The following SDK2 variants were observed in gnomAD, a reference collection of about 807,000 sequenced individuals.
SDK2 encodes protein sidekick-2.
A neutral mutation model predicts 253.9 loss-of-function variants in SDK2; 105 were observed. The ratio of observed to expected loss-of-function variants is 0.41; its 90% confidence interval spans 0.35 to 0.49. The LOEUF is 0.49. Among genes scored for constraint, SDK2 ranks in the 20% least tolerant of loss-of-function variants. The pLI is 0.06. For missense variants in SDK2, 2,608 were observed against 3,003.0 expected (o/e 0.87, Z 3.07); for synonymous variants, 1,249 against 1,234.9 (o/e 1.01, Z -0.24).
rs1250599012 is a variant in SDK2 at position 73,541,601 on chromosome 17, G to A, written c.65-34004C>T. On this transcript the variant is annotated intron_variant, in intron 1 of 44. Transcript: ENST00000392650. This position sits in a 1 kb window ranked among gnomAD's most constrained non-coding sequence, Gnocchi z 4.3. Reference sequence around the variant, plus strand: ...CCAGAGCTCGCCCCACCCTCCCTCCGTCTCTCCCTGCTGGCTCTTCATTTC... The same window carrying A: ...CCAGAGCTCGCCCCACCCTCCCTCCATCTCTCCCTGCTGGCTCTTCATTTC... Among the ~76,000 whole-genome samples the A allele has an allele frequency of 2.0e-5, 3 of 151,728 alleles. No individual in the cohort carries two copies. The highest frequency in any genetic ancestry group is 4.8e-5 in the African/African-American group (2 of 41,256).
intron 1 of SDK2, among the ~76,000 whole-genome samples, chr17:73,594,670 T>C (rs899862890): frequency 7.2e-5 from 11 of 151,888 alleles, no homozygotes; most frequent in African/African-American, 2.7e-4. Flanking sequence ...TATGCACACA[T>C]ACATGTAATA....
intron 1 of SDK2, among the ~76,000 whole-genome samples, chr17:73,529,673 T>A (rs955482386): frequency 6.6e-6 from 1 of 151,326 alleles, no homozygotes; most frequent in Non-Finnish European, 1.5e-5. Flanking sequence ...ACGGGGAAGA[T>A]GACCATGGGA....
intron 1 of SDK2, among the ~76,000 whole-genome samples, chr17:73,620,016 T>C (rs568638059): frequency 8.5e-4 from 129 of 152,172 alleles, no homozygotes; most frequent in African/African-American, 2.4e-3. Flanking sequence ...CTGGGCAACA[T>C]GGTGAAACCC....
At chr17:73,397,267 C>T (rs760455108) in intron 24 of SDK2, among the ~76,000 whole-genome samples, 1 of 152,248 alleles carries the variant, frequency 6.6e-6, no homozygotes, top group East Asian at 1.9e-4. Flanking sequence ...CTGTGGGACA[C>T]GTGCTGGGAA....
intron 8 of SDK2, among the ~76,000 whole-genome samples, chr17:73,436,591 A>AT (rs2063371403): frequency 6.6e-6 from 1 of 150,484 alleles, no homozygotes; most frequent in African/African-American, 2.4e-5. Context: ...AAAAAAAAAA[A>AT]AAAAAAAAAA....
rs981511849 is a variant in SDK2, at chr17:73,374,210, T to C, written c.4980+4967A>G. On this transcript the variant is annotated intron_variant, in intron 36 of 44. Coordinates refer to ENST00000392650, the MANE Select transcript of SDK2 (RefSeq NM_001144952.2). The stretch of plus-strand genomic sequence containing the variant: ...GTCTAATCTCTAGCTTTCAGTACCA[T>C]CTATATGCCGAGGACTCTATAATTC... Among the ~76,000 whole-genome samples the C allele has an allele frequency of 1.4e-5, 2 of 144,660 alleles. 1 individual carries two copies. The highest frequency in any genetic ancestry group is 5.5e-5 in the African/African-American group (2 of 36,324). 94.9% of individuals were successfully genotyped at this position (144,660 alleles called of 152,430 possible).
At chr17:73,457,092 A>T (rs2063530873) in intron 3 of SDK2, among the ~76,000 whole-genome samples, 1 of 152,146 alleles carries the variant, frequency 6.6e-6, no homozygotes, top group African/African-American at 2.4e-5. Flanking sequence ...TTTGTCCCAA[A>T]CTTGACTGTG....
intron 2 of SDK2, among the ~76,000 whole-genome samples, chr17:73,483,603 GTGTATATATA>G (rs1259596810): frequency 9.6e-5 from 13 of 135,536 alleles, no homozygotes; most frequent in South Asian, 4.6e-4. Context: ...ATATATGTAT[GTGTATATATA>G]TGTATATATA....
intron 2 of SDK2, among the ~76,000 whole-genome samples, chr17:73,478,275 C>T (rs1481842888): frequency 2.6e-5 from 4 of 152,142 alleles, no homozygotes; most frequent in South Asian, 4.1e-4. Flanking sequence ...AAAATCTTTC[C>T]GTAGCTGTGC....
rs747644131 is a variant in SDK2 at position 73,348,568 on chromosome 17, C to G, written c.6165+31G>C. 3.1e-6 allele frequency: 5 copies of G among 1,607,746 alleles called. No individual in the cohort carries two copies. In the South Asian group the frequency reaches 4.4e-5, roughly 14 times the overall value. On this transcript the variant is annotated intron_variant, in intron 44 of 44. Transcript: ENST00000392650. ...CTCTGGGAGGCGCTGCTCCCTGCCC[C>G]CTGCAGGACACCTGGCCCTCCTGCC... is the stretch of plus-strand genomic sequence containing the variant.
At chr17:73,386,376 A>G in intron 31 of SDK2, 69 bp downstream of exon 31, 1 of 1,153,460 alleles carries the variant, frequency 8.7e-7, no homozygotes, top group African/African-American at 1.5e-5. Context: ...TCCCCCCGTA[A>G]GAAAATGCCC....
chr17:73,506,024 C>A (rs115439039), intron 2 of SDK2, among the ~76,000 whole-genome samples: 1 of 152,358 alleles, frequency 6.6e-6, no homozygotes, highest in East Asian at 1.9e-4. Context: ...TCTCCTCCTC[C>A]CCTCCTCCTG....
chr17:73,563,777 AT>A (rs59296594), intron 1 of SDK2, among the ~76,000 whole-genome samples: 238 of 144,274 alleles, frequency 1.6e-3, no homozygotes, highest in Middle Eastern at 3.6e-3. Context: ...TCTCTCACTG[AT>A]TTTTTTTTTT....
rs1325405725 is a variant in SDK2 at position 73,392,831 on chromosome 17, G to T, written c.3898+729C>A. 2.0e-5 allele frequency among the ~76,000 whole-genome samples: 3 copies of T among 152,078 alleles called. No individual in the cohort carries two copies. In the East Asian group the frequency reaches 5.8e-4, roughly 29 times the overall value. Reference sequence around the variant, plus strand: ...CTTCTGATGGGGAGTTTTGCTACAGGGATGAATGCCTGCAGCCCACTGGTG... The same window carrying T: ...CTTCTGATGGGGAGTTTTGCTACAGTGATGAATGCCTGCAGCCCACTGGTG... On this transcript the variant is annotated intron_variant, in intron 27 of 44. Coordinates refer to ENST00000392650, the MANE Select transcript of SDK2 (RefSeq NM_001144952.2).
chr17:73,605,592 G>A (rs2045897414), intron 1 of SDK2, among the ~76,000 whole-genome samples: 1 of 152,086 alleles, frequency 6.6e-6, no homozygotes, highest in Non-Finnish European at 1.5e-5. Flanking sequence ...CTCCTTTCCT[G>A]AGTCAGCCCA....
chr17:73,455,987 C>T lies in SDK2; in HGVS notation c.398G>A (p.Arg133His), dbSNP rs566742236. The change falls in exon 4 of 45, where the codon CGT (arginine) becomes CAT (histidine). Residue 133 changes from arginine to histidine, a missense_variant. Physicochemically the swap from Arg to His is conservative, Grantham distance 29. Transcript: ENST00000392650. This position sits in a 1 kb window ranked among gnomAD's most constrained non-coding sequence, Gnocchi z 5.0. ...GGGGAAGCTGGCGATGCGCGGGGCA[C>T]GGATGACAGCTGCTTCTCCGTGGGA... is the stretch of plus-strand genomic sequence containing the variant. ...SVSHGEAAVI[R>H]APRIASFPQP... 8.3e-5 allele frequency: 128 copies of T among 1,547,446 alleles called. 1 individual carries two copies. In the South Asian group the frequency reaches 1.3e-3, roughly 16 times the overall value.
chr17:73,532,198 GC>G (rs1321226388), intron 1 of SDK2, among the ~76,000 whole-genome samples: 1 of 139,290 alleles, frequency 7.2e-6, no homozygotes, highest in South Asian at 2.4e-4. Flanking sequence ...GGACAGGACA[GC>G]CCCCCCACCC....
chr17:73,450,615 C>T (rs992207124), intron 4 of SDK2, among the ~76,000 whole-genome samples: 6 of 152,210 alleles, frequency 3.9e-5, no homozygotes, highest in African/African-American at 1.4e-4. Context: ...AAGAAGGCTC[C>T]CACCTCCAAT....
intron 1 of SDK2, among the ~76,000 whole-genome samples, chr17:73,586,989 T>A (rs558770589): frequency 6.6e-6 from 1 of 152,234 alleles, no homozygotes; most frequent in African/African-American, 2.4e-5. Context: ...GGAAAGAGAA[T>A]GCCTCTTGCA....
Sources: allele counts gnomAD v4.1 joint callset (sites outside exome capture counted in the v4.1 genomes callset), GRCh38; gene constraint gnomAD v4.1.1; non-coding constraint Gnocchi (gnomAD v3.1); transcripts MANE v1.5; gene names NCBI Gene and HGNC (gene_info 2026-07-23, HGNC 2026-07-21).